The following DYNC2H1 variants were observed in gnomAD, a reference collection of about 807,000 sequenced individuals.
DYNC2H1 encodes dynein cytoplasmic 2 heavy chain 1.
A neutral mutation model predicts 570.0 loss-of-function variants in DYNC2H1; 410 were observed. The observed-to-expected ratio is 0.72, with a 90% CI of 0.66 to 0.78. The LOEUF (loss-of-function observed/expected upper bound fraction) is 0.78. DYNC2H1 is among the 30% of genes least tolerant of loss of function. The pLI is 0.00. For missense variants in DYNC2H1, 4,865 were observed against 5,046.4 expected (o/e 0.96, Z 1.09); for synonymous variants, 1,688 against 1,677.6 (o/e 1.01, Z -0.15).
At chr11:103,193,517 G>A (rs546853655) in intron 47 of DYNC2H1, among the ~76,000 whole-genome samples, 2 of 151,500 alleles carry the variant, frequency 1.3e-5, no homozygotes, top group African/African-American at 2.4e-5. Flanking sequence ...TCAGTGAAAG[G>A]TTTTCTTTTT....
rs776700837 is a variant in DYNC2H1 at position 103,156,683 on chromosome 11, GA to G, written c.4043del (p.Lys1348SerfsTer31). 1 of 1,613,312 alleles carries G rather than the reference GA, an allele frequency of 6.2e-7. No individual in the cohort carries two copies. The highest frequency in any genetic ancestry group is 1.7e-5 in the Admixed American group (1 of 59,896). On this transcript the variant is annotated frameshift_variant, in exon 26 of 89. Transcript: ENST00000375735. LOFTEE classifies it high-confidence loss of function. ...CTGCAGAATTTAAATCATATTCAGA[GA>G]AAGTGGGTGTATTTGGAACCCATTT... The part of the protein sequence containing the change: ...EYLQNLNHIQ[R>X]KWVYLEPIFG...
chr11:103,330,725 C>A (rs1199474010), intron 82 of DYNC2H1, among the ~76,000 whole-genome samples: 2 of 151,870 alleles, frequency 1.3e-5, no homozygotes, highest in African/African-American at 4.8e-5. Flanking sequence ...TTCTCTTCAT[C>A]TCCTTCATGT....
Position 103,203,683 on chromosome 11 carries a change from A to G in DYNC2H1, c.8218A>G (p.Thr2740Ala), listed in dbSNP as rs768871834. 3.5e-5 allele frequency: 56 copies of G among 1,610,442 alleles called. No homozygotes were observed. The highest frequency in any genetic ancestry group is 4.6e-5 in the Non-Finnish European group (54 of 1,178,580). Residue 2740 changes from threonine (T) to alanine (A), a missense_variant, in exon 51 of 89, where the codon ACT becomes GCT. By Grantham distance (58) the Thr-to-Ala change is moderately conservative. Transcript: ENST00000375735. This position sits in a 1 kb window ranked among gnomAD's most constrained non-coding sequence, Gnocchi z 4.7. The part of the protein sequence containing the change: ...LSSGEVPGLY[T>A]LEELEPLLLP... ...TGTAGGTGAAGTTCCTGGACTCTAT[A>G]CTCTTGAAGAATTAGAGCCCTTGCT...
chr11:103,470,704 T>C (rs1438881034), intron 88 of DYNC2H1, among the ~76,000 whole-genome samples: 2 of 152,302 alleles, frequency 1.3e-5, no homozygotes, highest in East Asian at 1.9e-4. Flanking sequence ...CTGAGAATGA[T>C]GGTTTCCAGC....
At chr11:103,270,389 A>G (rs1390575422) in intron 70 of DYNC2H1, among the ~76,000 whole-genome samples, 1 of 152,046 alleles carries the variant, frequency 6.6e-6, no homozygotes, top group Non-Finnish European at 1.5e-5. Context: ...TATCCTATAC[A>G]TATCTATATC....
chr11:103,212,429 T>C (rs1300764423), intron 54 of DYNC2H1, among the ~76,000 whole-genome samples: 2 of 151,684 alleles, frequency 1.3e-5, no homozygotes, highest in Non-Finnish European at 2.9e-5. Context: ...CTGTACCCAA[T>C]AACTAATGGC....
intron 25 of DYNC2H1, 55 bp downstream of exon 25, chr11:103,155,556 A>G: frequency 2.0e-6 from 3 of 1,496,284 alleles, no homozygotes; most frequent in Non-Finnish European, 1.8e-6. Flanking sequence ...AATATACAAT[A>G]TTGCTTCATA....
chr11:103,407,849 T>C (rs1942925449), intron 84 of DYNC2H1: 2 of 151,932 alleles, frequency 1.3e-5, no homozygotes, highest in African/African-American at 4.8e-5. Flanking sequence ...CTAGGGGCCA[T>C]GATGGTAGGA....
rs1860507849 is a variant in DYNC2H1 at position 103,151,038 on chromosome 11, T to C, written c.2947-1098T>C. ...ATATAATTCTCTTTTGGTATGTCTA[T>C]TTGTTGGTATGTGGATTTGAGGGGT... On this transcript the variant is annotated intron_variant, in intron 20 of 88. Coordinates refer to ENST00000375735, the MANE Select transcript of DYNC2H1 (RefSeq NM_001377.3). This position sits in a 1 kb window ranked among gnomAD's most constrained non-coding sequence, Gnocchi z 4.6. 2.0e-5 allele frequency among the ~76,000 whole-genome samples: 3 copies of C among 152,158 alleles called. No homozygotes were observed. The highest frequency in any genetic ancestry group is 7.2e-5 in the African/African-American group (3 of 41,440).
rs1862613812 is a variant in DYNC2H1 at position 103,199,056 on chromosome 11, A to G, written c.7840-172A>G. Among the ~76,000 whole-genome samples the G allele has an allele frequency of 1.3e-5, 2 of 152,148 alleles. No individual in the cohort carries two copies. The highest frequency in any genetic ancestry group is 2.1e-4 in the South Asian group (1 of 4,834). ...GTTTTTCCTTAGAGAATGCCAATAT[A>G]TTTATCCAGGATTACCAGACATATA... is the stretch of plus-strand genomic sequence containing the variant. On this transcript the variant is annotated intron_variant, in intron 48 of 88. Coordinates refer to ENST00000375735, the MANE Select transcript of DYNC2H1 (RefSeq NM_001377.3). The surrounding 1 kb of genome is among the most constrained non-coding windows in gnomAD (Gnocchi z 4.6).
At chr11:103,283,152 T>A in intron 73 of DYNC2H1, 67 bp downstream of exon 73, 1 of 1,283,040 alleles carries the variant, frequency 7.8e-7, no homozygotes, top group Non-Finnish European at 1.1e-6. Flanking sequence ...TGTTGATACT[T>A]TGTGCTCCTT....
At position 103,252,913 on chromosome 11, in the gene DYNC2H1, T is replaced by G. The variant is rs964943415; in HGVS notation, c.10043-372T>G. On this transcript the variant is annotated intron_variant, in intron 65 of 88. Transcript: ENST00000375735. This position sits in a 1 kb window ranked among gnomAD's most constrained non-coding sequence, Gnocchi z 4.6. ...TTAAATACTAGTGCAATAAACACTT[T>G]TAAAATGATGAATTTAGAAGTAAAG... Among the ~76,000 whole-genome samples, 2 of 152,220 alleles carry G rather than the reference T, an allele frequency of 1.3e-5. No homozygotes were observed. Among genetic ancestry groups the G allele is most frequent in the African/African-American group, 4.8e-5 (2 of 41,464 alleles).
chr11:103,334,993 A>T lies in DYNC2H1; in HGVS notation c.12039+11003A>T, dbSNP rs17100399. On this transcript the variant is annotated intron_variant, in intron 82 of 88. Coordinates refer to ENST00000375735, the MANE Select transcript of DYNC2H1 (RefSeq NM_001377.3). This position sits in a 1 kb window ranked among gnomAD's most constrained non-coding sequence, Gnocchi z 4.3. ...TTATTCACCTTGAAGAATTTGGAATAATTTCTTCAGTTTAGCAAAATACAT... is the reference window on the plus strand; with the variant it reads ...TTATTCACCTTGAAGAATTTGGAATTATTTCTTCAGTTTAGCAAAATACAT... 0.24 allele frequency among the ~76,000 whole-genome samples: 37,229 copies of T among 152,032 alleles called. 4,770 individuals carry two copies. Among genetic ancestry groups the T allele is most frequent in the Admixed American group, 0.32 (4,885 of 15,280 alleles).
chr11:103,112,218 C>G (rs1372950329), intron 1 of DYNC2H1, among the ~76,000 whole-genome samples: 1 of 151,800 alleles, frequency 6.6e-6, no homozygotes, highest in East Asian at 1.9e-4. Flanking sequence ...ACTTAGTTTC[C>G]AGGGGCAAGA....
intron 81 of DYNC2H1, 107 bp downstream of exon 81, chr11:103,321,344 A>C: frequency 8.9e-7 from 1 of 1,122,602 alleles, no homozygotes; most frequent in Non-Finnish European, 1.3e-6. Flanking sequence ...GTAATTATTC[A>C]CAGTTTGGAT....
intron 83 of DYNC2H1, among the ~76,000 whole-genome samples, chr11:103,387,856 G>C (rs898810864): frequency 6.6e-6 from 1 of 152,034 alleles, no homozygotes; most frequent in East Asian, 1.9e-4. Context: ...TGTTCCATTG[G>C]TCTATATCTC....
intron 83 of DYNC2H1, among the ~76,000 whole-genome samples, chr11:103,396,188 A>G (rs1017000353): frequency 3.9e-5 from 6 of 152,328 alleles, no homozygotes; most frequent in African/African-American, 7.2e-5. Flanking sequence ...ACTGAGTCAC[A>G]TATCTGAGAA....
At chr11:103,111,979 T>C (rs1322854374) in intron 1 of DYNC2H1, among the ~76,000 whole-genome samples, 1 of 152,180 alleles carries the variant, frequency 6.6e-6, no homozygotes, top group Non-Finnish European at 1.5e-5. Context: ...TACAGATATA[T>C]GTAACATAAT....
chr11:103,338,124 C>T (rs1383981934), intron 82 of DYNC2H1, among the ~76,000 whole-genome samples: 1 of 152,000 alleles, frequency 6.6e-6, no homozygotes, highest in Non-Finnish European at 1.5e-5. Context: ...CATTTGTAGA[C>T]GACACTGTTC....
Sources: gnomAD v4.1 joint callset for allele counts (sites outside exome capture counted in the v4.1 genomes callset) on GRCh38, gnomAD v4.1.1 for gene constraint, Gnocchi (gnomAD v3.1) non-coding constraint, MANE v1.5 for transcripts, NCBI Gene and HGNC (gene_info 2026-07-23, HGNC 2026-07-21) for gene names.